Variants in HMGCLL1 observed in about 807,000 individuals in gnomAD.
HMGCLL1 encodes 3-hydroxy-3-methylglutaryl-CoA lyase like 1.
In HMGCLL1, 36 loss-of-function variants were observed where a neutral mutation model predicts 39.1. The ratio of observed to expected loss-of-function variants is 0.92; its 90% confidence interval spans 0.71 to 1.22. The LOEUF is 1.22. Ranked by LOEUF, HMGCLL1 falls within the 50% of genes most tolerant of loss-of-function variation. The probability of loss-of-function intolerance (pLI) is 0.00; values close to 1 mark genes in which losing one functional copy is unlikely to be tolerated. For synonymous variants in HMGCLL1, 149 were observed against 144.0 expected (o/e 1.03, Z -0.25); for missense variants, 451 against 416.5 (o/e 1.08, Z -0.72).
At chr6:55,650,098 T>TATATATATATACACACATATAC in the HMGCLL1 span, among the ~76,000 whole-genome samples, 8 of 23,330 alleles carry the variant, frequency 3.4e-4, no homozygotes, top group African/African-American at 1.5e-3. Flanking sequence ...TACATATATA[T>TATATATATATACACACATATAC]ATATATATAT....
chr6:55,652,381 A>AT, the HMGCLL1 span, among the ~76,000 whole-genome samples: 1 of 152,068 alleles, frequency 6.6e-6, no homozygotes, highest in African/African-American at 2.4e-5. Context: ...ATAAAAACTG[A>AT]TTTTGAATGT....
chr6:55,513,823 C>A, intron 5 of HMGCLL1: 1 of 508,852 alleles, frequency 2.0e-6, no homozygotes, highest in South Asian at 3.4e-5. Context: ...ATGCTAGTTC[C>A]TCTGATTTCA....
At chr6:55,528,106 A>G (rs1292415365) in intron 3 of HMGCLL1, among the ~76,000 whole-genome samples, 1 of 151,990 alleles carries the variant, frequency 6.6e-6, no homozygotes, top group South Asian at 2.1e-4. Context: ...TTGCCCCACC[A>G]CCAACTCTAT....
chr6:55,629,934 C>G, the HMGCLL1 span, among the ~76,000 whole-genome samples: 2 of 152,128 alleles, frequency 1.3e-5, no homozygotes, highest in East Asian at 3.9e-4. Flanking sequence ...GAGTGGGGCT[C>G]TCATGGAGAA....
At chr6:55,572,965 C>T (rs1308846873) in intron 1 of HMGCLL1, among the ~76,000 whole-genome samples, 1 of 152,132 alleles carries the variant, frequency 6.6e-6, no homozygotes, top group African/African-American at 2.4e-5. Flanking sequence ...GAGGCATTTG[C>T]CAATTCTGTA....
At chr6:55,520,884 A>T (rs1327477396) in intron 3 of HMGCLL1, among the ~76,000 whole-genome samples, 1 of 152,042 alleles carries the variant, frequency 6.6e-6, no homozygotes, top group African/African-American at 2.4e-5. Context: ...TAGCCAAAAA[A>T]AAAAAATAGG....
At chr6:55,571,728 G>A (rs1771509515) in intron 1 of HMGCLL1, among the ~76,000 whole-genome samples, 1 of 152,096 alleles carries the variant, frequency 6.6e-6, no homozygotes, top group African/African-American at 2.4e-5. Context: ...AGAACTGCAT[G>A]AACCCAGGAG....
chr6:55,608,198 G>T, the HMGCLL1 span, among the ~76,000 whole-genome samples: 1 of 152,200 alleles, frequency 6.6e-6, no homozygotes. Flanking sequence ...TACTTTTTCT[G>T]ATCTTCCTTC....
At chr6:55,481,818 C>G (rs1488058667) in intron 7 of HMGCLL1, among the ~76,000 whole-genome samples, 6 of 151,844 alleles carry the variant, frequency 4.0e-5, no homozygotes, top group African/African-American at 1.2e-4. Flanking sequence ...ACCTATCTAC[C>G]TACCTATCTA....
At chr6:55,654,834 T>A in the HMGCLL1 span, among the ~76,000 whole-genome samples, 8 of 151,956 alleles carry the variant, frequency 5.3e-5, no homozygotes, top group African/African-American at 1.9e-4. Flanking sequence ...TTTTTTATAA[T>A]ATTCACCTTA....
chr6:55,546,019 C>A (rs1010238283), intron 1 of HMGCLL1, among the ~76,000 whole-genome samples: 2 of 152,074 alleles, frequency 1.3e-5, no homozygotes, highest in African/African-American at 4.8e-5. Flanking sequence ...GCATACCTGC[C>A]CTTTGCCTTA....
intron 3 of HMGCLL1, among the ~76,000 whole-genome samples, chr6:55,520,622 G>A (rs1296505170): frequency 1.3e-5 from 2 of 151,816 alleles, no homozygotes; most frequent in Non-Finnish European, 2.9e-5. Flanking sequence ...GGGAGTTTAT[G>A]TTATACTTCA....
chr6:55,503,256 T>C (rs1383355175), intron 5 of HMGCLL1, among the ~76,000 whole-genome samples: 1 of 151,860 alleles, frequency 6.6e-6, no homozygotes, highest in African/African-American at 2.4e-5. Flanking sequence ...CCCATAAAAA[T>C]AGCTGGCATG....
At chr6:55,579,798 A>G (rs1771939695), upstream of HMGCLL1, among the ~76,000 whole-genome samples, 1 of 152,192 alleles carries the variant, frequency 6.6e-6, no homozygotes, top group African/African-American at 2.4e-5. Flanking sequence ...CCTAAGGACT[A>G]GATTTATCCA....
chr6:55,471,778 A>C (rs978178763), intron 7 of HMGCLL1, among the ~76,000 whole-genome samples: 1 of 151,662 alleles, frequency 6.6e-6, no homozygotes, highest in Non-Finnish European at 1.5e-5. Context: ...AAGTTAAAAC[A>C]CCACTCAGGT....
At chr6:55,584,233 T>C in the HMGCLL1 span, among the ~76,000 whole-genome samples, 4 of 152,088 alleles carry the variant, frequency 2.6e-5, no homozygotes, top group Non-Finnish European at 4.4e-5. Flanking sequence ...TTTCTCTGAG[T>C]ATTATATTTG....
At chr6:55,626,834 C>T in the HMGCLL1 span, among the ~76,000 whole-genome samples, 1,481 of 152,040 alleles carry the variant, frequency 9.7e-3, 28 homozygotes, top group Middle Eastern at 0.062. Flanking sequence ...ACAGTGTTGG[C>T]TGGGGTGATT....
At chr6:55,639,639 T>C in the HMGCLL1 span, among the ~76,000 whole-genome samples, 1 of 152,112 alleles carries the variant, frequency 6.6e-6, no homozygotes, top group East Asian at 1.9e-4. Flanking sequence ...CTCTAATTTG[T>C]TTAAGTGTTT....
intron 7 of HMGCLL1, among the ~76,000 whole-genome samples, chr6:55,456,765 G>T (rs1044717397): frequency 2.0e-5 from 3 of 152,174 alleles, no homozygotes; most frequent in African/African-American, 7.2e-5. Flanking sequence ...TGGATGCTGG[G>T]CTCCAGTAAC....
Sources: gnomAD v4.1 joint callset for allele counts (sites outside exome capture counted in the v4.1 genomes callset) on GRCh38, gnomAD v4.1.1 for gene constraint, MANE v1.5 for transcripts, NCBI Gene and HGNC (gene_info 2026-07-23, HGNC 2026-07-21) for gene names.